The following TBC1D19 variants were observed in gnomAD, a reference collection of about 807,000 sequenced individuals.
TBC1D19 encodes the protein TBC1 domain family member 19.
In TBC1D19, 60 loss-of-function variants were observed where a neutral mutation model predicts 89.0. The ratio of observed to expected loss-of-function variants is 0.67; its 90% CI spans 0.55 to 0.84. The LOEUF (loss-of-function observed/expected upper bound fraction) is 0.84. TBC1D19 is among the 40% of genes least tolerant of loss of function. The pLI, the probability that TBC1D19 is intolerant of heterozygous loss-of-function variation, is 0.00. For missense variants in TBC1D19, 500 were observed against 610.8 expected, an observed-to-expected ratio of 0.82 and a Z score of 1.91; for synonymous variants, 189 against 199.7, an observed-to-expected ratio of 0.95 and a Z score of 0.45.
chr4:26,723,229 C>G (rs1025737469), intron 15 of TBC1D19, among the ~76,000 whole-genome samples: 1 of 151,938 alleles, frequency 6.6e-6, no homozygotes, highest in Non-Finnish European at 1.5e-5. Flanking sequence ...AGTTTCAGAA[C>G]AAGAAGAGAC....
chr4:26,814,968 G>C, the TBC1D19 span, among the ~76,000 whole-genome samples: 1 of 151,716 alleles, frequency 6.6e-6, no homozygotes, highest in Non-Finnish European at 1.5e-5. Flanking sequence ...GCTGCAGTGA[G>C]CTATGATTGC....
chr4:26,809,682 A>T, the TBC1D19 span, among the ~76,000 whole-genome samples: 5 of 152,154 alleles, frequency 3.3e-5, no homozygotes, highest in African/African-American at 1.2e-4. Flanking sequence ...CCGCTGGGCA[A>T]TGGTGGGGAG....
intron 1 of TBC1D19, among the ~76,000 whole-genome samples, chr4:26,587,126 T>C (rs1739463790): frequency 6.6e-6 from 1 of 152,220 alleles, no homozygotes; most frequent in African/African-American, 2.4e-5. Flanking sequence ...CCTGCTCATG[T>C]TGATATGATG....
intron 13 of TBC1D19, among the ~76,000 whole-genome samples, chr4:26,698,073 C>A (rs984030312): frequency 1.2e-4 from 19 of 152,024 alleles, no homozygotes; most frequent in Non-Finnish European, 2.5e-4. Flanking sequence ...AGTCAAATTG[C>A]CCCTGTTTGC....
At chr4:26,656,189 A>G (rs1224982916) in intron 7 of TBC1D19, among the ~76,000 whole-genome samples, 1 of 151,902 alleles carries the variant, frequency 6.6e-6, no homozygotes, top group African/African-American at 2.4e-5. Flanking sequence ...AGCAATAACT[A>G]CTCTTTTATT....
the TBC1D19 span, among the ~76,000 whole-genome samples, chr4:26,823,360 C>A: frequency 1.3e-5 from 2 of 152,136 alleles, no homozygotes; most frequent in Non-Finnish European, 2.9e-5. Flanking sequence ...TATCTCAAAC[C>A]CATCCATGTA....
intron 13 of TBC1D19, among the ~76,000 whole-genome samples, chr4:26,715,360 A>C (rs1716522970): frequency 6.6e-6 from 1 of 151,988 alleles, no homozygotes; most frequent in African/African-American, 2.4e-5. Context: ...ATCTATCAGT[A>C]ACTCCCGTTG....
At chr4:26,694,643 C>G (rs577075049) in intron 13 of TBC1D19, among the ~76,000 whole-genome samples, 1 of 152,326 alleles carries the variant, frequency 6.6e-6, no homozygotes, top group African/African-American at 2.4e-5. Context: ...AGTCATCCCC[C>G]AGTAGGGGCA....
the TBC1D19 span, among the ~76,000 whole-genome samples, chr4:26,823,170 C>A: frequency 6.6e-6 from 1 of 152,206 alleles, no homozygotes; most frequent in African/African-American, 2.4e-5. Context: ...AACAGGCAAA[C>A]AGAGAGAGCT....
At chr4:26,780,908 CTA>C in the TBC1D19 span, among the ~76,000 whole-genome samples, 1 of 152,128 alleles carries the variant, frequency 6.6e-6, no homozygotes, top group African/African-American at 2.4e-5. Context: ...GATTTGCCAT[CTA>C]TGAGATGGCA....
chr4:26,747,979 T>C (rs1313902328), intron 18 of TBC1D19, among the ~76,000 whole-genome samples: 4 of 152,192 alleles, frequency 2.6e-5, no homozygotes, highest in Admixed American at 6.5e-5. Context: ...TTGACTGAAA[T>C]GTAGAAAATA....
At chr4:26,673,206 G>A (rs4298123) in intron 10 of TBC1D19, among the ~76,000 whole-genome samples, 148,413 of 151,616 alleles carry the variant, frequency 0.98, 72,712 homozygotes, top group East Asian at 1. Context: ...CTACGTCTTT[G>A]AAAATCCCTG....
chr4:26,633,169 C>T (rs756171325), intron 4 of TBC1D19, among the ~76,000 whole-genome samples: 3 of 152,110 alleles, frequency 2.0e-5, no homozygotes, highest in Admixed American at 6.6e-5. Context: ...ACAACAATGG[C>T]GTCTTCAATG....
chr4:26,832,993 C>T, the TBC1D19 span, among the ~76,000 whole-genome samples: 3,182 of 152,026 alleles, frequency 0.021, 74 homozygotes, highest in African/African-American at 0.054. Context: ...GACCCTGTCT[C>T]AAAAAACCAA....
At chr4:26,639,908 A>T (rs539190660) in intron 6 of TBC1D19, among the ~76,000 whole-genome samples, 2 of 152,284 alleles carry the variant, frequency 1.3e-5, no homozygotes, top group African/African-American at 4.8e-5. Flanking sequence ...AATAATTACA[A>T]TTTGTGAATA....
rs1577911793 is a variant in TBC1D19, at chr4:26,672,332, A to G, written c.703+145A>G. 4.7e-6 allele frequency: 3 copies of G among 632,832 alleles called. No homozygotes were observed. In the Admixed American group the frequency reaches 1.4e-4, roughly 30 times the overall value. 39.2% of individuals were successfully genotyped at this position (632,832 alleles called of 1,614,324 possible). ...GGTAATATTTAACCATGTAGATTAC[A>G]TAATGAGAATCTTTATAAGTAGGGA... On this transcript the variant is annotated intron_variant, in intron 10 of 20. Transcript: ENST00000264866.
chr4:26,580,688 CTCTT>C (rs1332580026), upstream of TBC1D19, among the ~76,000 whole-genome samples: 1 of 152,236 alleles, frequency 6.6e-6, no homozygotes, highest in Non-Finnish European at 1.5e-5. Flanking sequence ...TAAAAGCAGT[CTCTT>C]TCTAAAACAA....
chr4:26,657,481 A>G (rs1744934937), intron 7 of TBC1D19, among the ~76,000 whole-genome samples: 1 of 152,052 alleles, frequency 6.6e-6, no homozygotes, highest in Non-Finnish European at 1.5e-5. Context: ...TATCCAGTCT[A>G]TGATTTATGG....
the TBC1D19 span, among the ~76,000 whole-genome samples, chr4:26,831,827 G>A: frequency 6.6e-6 from 1 of 151,916 alleles, no homozygotes; most frequent in East Asian, 1.9e-4. Context: ...TCCTGACCTC[G>A]TGATCTGCCC....
Sources: allele counts gnomAD v4.1 joint callset (sites outside exome capture counted in the v4.1 genomes callset), GRCh38; gene constraint gnomAD v4.1.1; transcripts MANE v1.5; gene names NCBI Gene and HGNC (gene_info 2026-07-23, HGNC 2026-07-21).